Variants in ATP1B3 observed in about 807,000 individuals in gnomAD.
ATP1B3 encodes the protein sodium/potassium-transporting ATPase subunit beta-3.
A neutral mutation model predicts 30.2 loss-of-function variants in ATP1B3; 10 were observed. That is an observed-to-expected ratio of 0.33 (90% CI 0.20 to 0.56). ATP1B3 has a LOEUF of 0.56. ATP1B3 is among the 20% of genes least tolerant of loss of function. The pLI is 0.90. For missense variants in ATP1B3, 238 were observed against 336.7 expected (o/e 0.71, Z 2.29); for synonymous variants, 113 against 117.0 (o/e 0.97, Z 0.22).
intron 5 of ATP1B3, among the ~76,000 whole-genome samples, chr3:141,920,022 A>G (rs1164650697): frequency 1.2e-4 from 19 of 152,130 alleles, no homozygotes; most frequent in Admixed American, 1.2e-3. Context: ...TTATTCAGAT[A>G]CTCATTTTAA....
chr3:141,916,235 C>T (rs1934459507), intron 5 of ATP1B3: 1 of 532,654 alleles, frequency 1.9e-6, no homozygotes, highest in Non-Finnish European at 3.5e-6. Flanking sequence ...CACACATTGC[C>T]TTTATTTTCA....
At chr3:141,890,623 AG>A (rs1933932839) in intron 1 of ATP1B3, among the ~76,000 whole-genome samples, 1 of 149,420 alleles carries the variant, frequency 6.7e-6, no homozygotes, top group African/African-American at 2.6e-5. Flanking sequence ...TTTTTAGTAG[AG>A]ACTGGGTTTT....
chr3:141,912,426 T>A (rs1311338938), intron 3 of ATP1B3, among the ~76,000 whole-genome samples: 2 of 152,176 alleles, frequency 1.3e-5, no homozygotes, highest in African/African-American at 2.4e-5. Flanking sequence ...ACCCAGCTAA[T>A]TTTTTTGTGT....
At chr3:141,891,825 C>T (rs1050581414) in intron 1 of ATP1B3, among the ~76,000 whole-genome samples, 1 of 148,110 alleles carries the variant, frequency 6.8e-6, no homozygotes, top group Admixed American at 6.8e-5. Context: ...GATTGAGATA[C>T]AACTTTCTAA....
intron 1 of ATP1B3, among the ~76,000 whole-genome samples, chr3:141,893,261 G>A (rs1933993210): frequency 6.6e-6 from 1 of 152,020 alleles, no homozygotes; most frequent in Non-Finnish European, 1.5e-5. Context: ...CACCCGCCTT[G>A]GCCTCCTAAA....
At chr3:141,903,788 G>GTT in intron 2 of ATP1B3, 40 bp downstream of exon 2, 56 of 1,447,630 alleles carry the variant, frequency 3.9e-5, no homozygotes, top group Middle Eastern at 1.8e-4. Flanking sequence ...TTTGTTTTTT[G>GTT]TTTTTTTTTT....
Position 141,907,219 on chromosome 3 carries a change from G to A in ATP1B3, c.291G>A (p.Arg97=), listed in dbSNP as rs747422486. ...PVTALEYTFS[R]SDPTSYAGYI... is the part of the protein sequence containing the mutation. ...CCGCATTGGAATATACATTCAGTAG[G>A]TCTGATCCAACTTCGTATGCAGGGT... is the stretch of plus-strand genomic sequence containing the variant. Residue 97 remains arginine, a synonymous_variant, in exon 3 of 7, where the codon AGG becomes AGA. Coordinates refer to ENST00000286371, the MANE Select transcript of ATP1B3 (RefSeq NM_001679.4). 6.2e-7 allele frequency: 1 copy of A among 1,612,908 alleles called. No homozygotes were observed. Among genetic ancestry groups the A allele is most frequent in the South Asian group, 1.1e-5 (1 of 90,656 alleles).
intron 3 of ATP1B3, among the ~76,000 whole-genome samples, chr3:141,909,769 G>A (rs1934328902): frequency 6.6e-6 from 1 of 151,882 alleles, no homozygotes; most frequent in African/African-American, 2.4e-5. Flanking sequence ...CCATGATGAG[G>A]GATTTTAAGC....
At chr3:141,890,986 C>G (rs1478491066) in intron 1 of ATP1B3, among the ~76,000 whole-genome samples, 1 of 152,094 alleles carries the variant, frequency 6.6e-6, no homozygotes, top group East Asian at 1.9e-4. Context: ...TGTCTCTTAA[C>G]TCTTACTTTG....
intron 1 of ATP1B3, among the ~76,000 whole-genome samples, chr3:141,897,929 C>T (rs572173804): frequency 7.2e-5 from 11 of 152,216 alleles, no homozygotes; most frequent in African/African-American, 2.2e-4. Context: ...AGGCTGGTCT[C>T]GAACTCCTGA....
chr3:141,887,815 ATGGT>A (rs1369936540), intron 1 of ATP1B3, among the ~76,000 whole-genome samples: 2 of 152,220 alleles, frequency 1.3e-5, no homozygotes, highest in Admixed American at 1.3e-4. Context: ...TACATACTAT[ATGGT>A]TTTATTTATG....
chr3:141,886,378 C>T (rs1238183790), intron 1 of ATP1B3, among the ~76,000 whole-genome samples: 1 of 151,744 alleles, frequency 6.6e-6, no homozygotes, highest in Non-Finnish European at 1.5e-5. Context: ...TGCCATAAGC[C>T]TTCTCTGATA....
intron 1 of ATP1B3, among the ~76,000 whole-genome samples, chr3:141,903,275 C>T (rs1459537928): frequency 6.6e-6 from 1 of 152,132 alleles, no homozygotes; most frequent in Non-Finnish European, 1.5e-5. Flanking sequence ...CTAAAACCAT[C>T]TTGTATCTTT....
At chr3:141,918,985 G>C (rs1420759304) in intron 5 of ATP1B3, 3 of 152,174 alleles carry the variant, frequency 2.0e-5, no homozygotes, top group Non-Finnish European at 4.4e-5. Context: ...TGGAAGAAAT[G>C]TTTGTAAAAT....
rs77913641 is a variant in ATP1B3, at chr3:141,920,895, C to G, written c.583-1082C>G. Reference sequence around the variant, plus strand: ...TTGTCTGGTGGGTGGGGCGCATCATCACTCTGTCCTTTGTGCTGTCTGGCC... The same window carrying G: ...TTGTCTGGTGGGTGGGGCGCATCATGACTCTGTCCTTTGTGCTGTCTGGCC... On this transcript the variant is annotated intron_variant, in intron 5 of 6. Transcript: ENST00000286371. Among the ~76,000 whole-genome samples the G allele has an allele frequency of 9.2e-3, 1,397 of 152,248 alleles. 39 individuals are homozygous for G. The highest frequency in any genetic ancestry group is 0.07 in the East Asian group (364 of 5,180).
chr3:141,878,747 A>AT (rs1177459587), intron 1 of ATP1B3, among the ~76,000 whole-genome samples: 1 of 152,278 alleles, frequency 6.6e-6, no homozygotes, highest in African/African-American at 2.4e-5. Flanking sequence ...TTCAAAATCG[A>AT]TAAGTATTAC....
chr3:141,919,392 C>T (rs1934525883), intron 5 of ATP1B3, among the ~76,000 whole-genome samples: 1 of 151,918 alleles, frequency 6.6e-6, no homozygotes, highest in African/African-American at 2.4e-5. Context: ...GCTGGAATTA[C>T]AGGTGTGAAC....
At chr3:141,898,771 A>G (rs1045585254) in intron 1 of ATP1B3, among the ~76,000 whole-genome samples, 1 of 152,230 alleles carries the variant, frequency 6.6e-6, no homozygotes, top group Admixed American at 6.5e-5. Context: ...TATTTATACA[A>G]AAACTTGTGC....
At chr3:141,922,143 T>TCTACCTACCCCAGACA in intron 6 of ATP1B3, 80 bp downstream of exon 6, 1 of 808,658 alleles carries the variant, frequency 1.2e-6, no homozygotes, top group Non-Finnish European at 2.0e-6. Context: ...TTGTCTGGGG[T>TCTACCTACCCCAGACA]AGGTAGACGC....
Sources: gnomAD v4.1 joint callset for allele counts (sites outside exome capture counted in the v4.1 genomes callset) on GRCh38, gnomAD v4.1.1 for gene constraint, MANE v1.5 for transcripts, NCBI Gene and HGNC (gene_info 2026-07-23, HGNC 2026-07-21) for gene names.